Variants in ARHGAP24 observed in about 807,000 individuals in gnomAD.
The protein encoded by ARHGAP24 is Rho GTPase activating protein 24.
In ARHGAP24, 50 loss-of-function variants were observed where a neutral mutation model predicts 76.4. The ratio of observed to expected loss-of-function variants is 0.65; its 90% CI spans 0.52 to 0.83. The LOEUF is 0.83. ARHGAP24 is among the 40% of genes least tolerant of loss of function. ARHGAP24 has a pLI of 0.00. For synonymous variants in ARHGAP24, 345 were observed against 323.3 expected (o/e 1.07, Z -0.72); for missense variants, 930 against 914.2 (o/e 1.02, Z -0.22).
At chr4:85,574,180 T>C (rs1727265858) in intron 2 of ARHGAP24, among the ~76,000 whole-genome samples, 1 of 152,252 alleles carries the variant, frequency 6.6e-6, no homozygotes, top group South Asian at 2.1e-4. Context: ...TTAAAGTTCT[T>C]AATTTATTAT....
chr4:85,867,473 C>T (rs949189359), intron 3 of ARHGAP24, among the ~76,000 whole-genome samples: 2 of 152,084 alleles, frequency 1.3e-5, no homozygotes, highest in African/African-American at 4.8e-5. Context: ...TGGTGACAAA[C>T]TCTACTTAGT....
intron 2 of ARHGAP24, among the ~76,000 whole-genome samples, chr4:85,643,722 T>TTTG (rs1721616521): frequency 2.0e-5 from 3 of 152,148 alleles, no homozygotes; most frequent in Non-Finnish European, 4.4e-5. Context: ...AGAACAGAGA[T>TTTG]CTTTGTTTTA....
At chr4:85,815,263 T>A (rs188960993) in intron 3 of ARHGAP24, among the ~76,000 whole-genome samples, 1 of 152,334 alleles carries the variant, frequency 6.6e-6, no homozygotes, top group Admixed American at 6.5e-5. Context: ...GGCTTCTCAT[T>A]ACCTATGCAA....
chr4:85,812,663 C>T (rs1281430592), intron 3 of ARHGAP24, among the ~76,000 whole-genome samples: 1 of 152,190 alleles, frequency 6.6e-6, no homozygotes, highest in African/African-American at 2.4e-5. Flanking sequence ...CTTGAGAGTT[C>T]CTTTCAGGAG....
chr4:85,934,283 A>G (rs1736508547), intron 4 of ARHGAP24, among the ~76,000 whole-genome samples: 1 of 152,194 alleles, frequency 6.6e-6, no homozygotes, highest in Admixed American at 6.5e-5. Flanking sequence ...CCTGGAGTAT[A>G]AGCCCCCTAA....
chr4:85,560,298 A>T (rs73835213), intron 1 of ARHGAP24, among the ~76,000 whole-genome samples: 8,379 of 151,928 alleles, frequency 0.055, 744 homozygotes, highest in African/African-American at 0.19. Flanking sequence ...TCTCTAGTTG[A>T]ATTAAAGCCA....
chr4:85,646,498 A>G lies in ARHGAP24; in HGVS notation c.181-75387A>G, dbSNP rs559721445. Among the ~76,000 whole-genome samples the G allele has an allele frequency of 1.7e-4, 26 of 152,048 alleles. No individual in the cohort carries two copies. In the South Asian group the frequency reaches 3.7e-3, roughly 22 times the overall value. On this transcript the variant is annotated intron_variant, in intron 2 of 9. Transcript: ENST00000395184. ...TACAAATTTGGAAGAAGTCTATACT[A>G]TTATTTTCTACATTAGTTCAACTTA...
chr4:85,682,334 A>G (rs1338705421), intron 2 of ARHGAP24, among the ~76,000 whole-genome samples: 1 of 152,252 alleles, frequency 6.6e-6, no homozygotes, highest in African/African-American at 2.4e-5. Context: ...CTCTATTACC[A>G]GAAAACAATT....
At chr4:85,635,976 A>G (rs1272262565) in intron 2 of ARHGAP24, among the ~76,000 whole-genome samples, 2 of 151,368 alleles carry the variant, frequency 1.3e-5, no homozygotes, top group Admixed American at 6.6e-5. Flanking sequence ...ATTGGCCTTC[A>G]CTCTTCCTTC....
chr4:85,757,420 A>G (rs1473950115), intron 3 of ARHGAP24, among the ~76,000 whole-genome samples: 2 of 151,612 alleles, frequency 1.3e-5, no homozygotes, highest in Non-Finnish European at 1.5e-5. Flanking sequence ...CCTGTGTCCA[A>G]GTGTTCTCAT....
chr4:85,650,074 A>G (rs1027795819), intron 2 of ARHGAP24, among the ~76,000 whole-genome samples: 3 of 152,162 alleles, frequency 2.0e-5, no homozygotes, highest in African/African-American at 7.2e-5. Context: ...AATGAAGTAC[A>G]TTATACTTTT....
chr4:85,637,533 A>G (rs9997730), intron 2 of ARHGAP24, among the ~76,000 whole-genome samples: 50,025 of 151,872 alleles, frequency 0.33, 9,272 homozygotes, highest in East Asian at 0.84. Flanking sequence ...TGTAACCACT[A>G]GCCGCATGGG....
chr4:85,562,575 T>C (rs1726640857), intron 1 of ARHGAP24, among the ~76,000 whole-genome samples: 1 of 152,212 alleles, frequency 6.6e-6, no homozygotes, highest in Non-Finnish European at 1.5e-5. Flanking sequence ...CCTTGACTCT[T>C]GCCCCTTCTC....
In ARHGAP24 at chr4:85,534,003, G is replaced by T. The variant is rs970589996; in HGVS notation, c.-20-36519G>T. ...GCTGAATCTGCACATGAAAAGCTCA[G>T]CAGTTAGGGAATAAGAAATCCACAA... On this transcript the variant is annotated intron_variant, in intron 1 of 9. Coordinates refer to ENST00000395184, the MANE Select transcript of ARHGAP24 (RefSeq NM_001025616.3). Among the ~76,000 whole-genome samples, 6 of 152,260 alleles carry T rather than the reference G, an allele frequency of 3.9e-5. No homozygotes were observed. In the Middle Eastern group the frequency reaches 0.017, roughly 432 times the overall value.
rs1350559098 is a variant in ARHGAP24 at position 85,493,093 on chromosome 4, T to C, written c.-21+17534T>C. Among the ~76,000 whole-genome samples the C allele has an allele frequency of 2.0e-5, 3 of 152,218 alleles. No individual in the cohort carries two copies. In the East Asian group the frequency reaches 5.8e-4, roughly 29 times the overall value. ...CATTTTTGGCAAGAGTACCATAGAATTAGGGCTGTCCCCTTCTCAGTGCAT... is the reference window on the plus strand; with the variant it reads ...CATTTTTGGCAAGAGTACCATAGAACTAGGGCTGTCCCCTTCTCAGTGCAT... On this transcript the variant is annotated intron_variant, in intron 1 of 9. Transcript: ENST00000395184.
At chr4:85,696,981 G>A (rs551152776) in intron 2 of ARHGAP24, among the ~76,000 whole-genome samples, 2 of 152,230 alleles carry the variant, frequency 1.3e-5, no homozygotes, top group East Asian at 3.9e-4. Flanking sequence ...AGTGATAGTG[G>A]GATATAATCG....
chr4:85,609,265 T>C (rs752931122), intron 2 of ARHGAP24, among the ~76,000 whole-genome samples: 2 of 152,216 alleles, frequency 1.3e-5, no homozygotes, highest in Non-Finnish European at 2.9e-5. Flanking sequence ...TTTCTCTTCA[T>C]TGAGAAATTA....
At chr4:85,936,537 G>C (rs1736643690) in intron 4 of ARHGAP24, among the ~76,000 whole-genome samples, 1 of 151,972 alleles carries the variant, frequency 6.6e-6, no homozygotes, top group African/African-American at 2.4e-5. Flanking sequence ...TAGATATATA[G>C]TATGTAGCTG....
intron 3 of ARHGAP24, among the ~76,000 whole-genome samples, chr4:85,859,690 G>A (rs1372908114): frequency 6.6e-6 from 1 of 152,034 alleles, no homozygotes; most frequent in Non-Finnish European, 1.5e-5. Flanking sequence ...AGATATTTAG[G>A]TACATGGACT....
Sources: allele counts gnomAD v4.1 joint callset (sites outside exome capture counted in the v4.1 genomes callset), GRCh38; gene constraint gnomAD v4.1.1; transcripts MANE v1.5; gene names NCBI Gene and HGNC (gene_info 2026-07-23, HGNC 2026-07-21).